ZNF385C: variants seen among roughly 807,000 people sequenced by gnomAD.
ZNF385C encodes CTD-2132N18.2.
In ZNF385C, 28 loss-of-function variants were observed where a neutral mutation model predicts 35.4. The ratio of observed to expected loss-of-function variants is 0.79; its 90% CI spans 0.59 to 1.08. The LOEUF (loss-of-function observed/expected upper bound fraction) is 1.08, where lower values mean the gene tolerates loss of function less well. Among genes scored for constraint, ZNF385C ranks in the 50% least tolerant of loss-of-function variants. The pLI, the probability that ZNF385C is intolerant of heterozygous loss-of-function variation, is 0.00. For synonymous variants in ZNF385C, 248 were observed against 248.2 expected, an observed-to-expected ratio of 1.00 and a Z score of 0.01; for missense variants, 605 against 595.6, an observed-to-expected ratio of 1.02 and a Z score of -0.16.
chr17:42,079,620 T>A (rs1462980097), intron 1 of ZNF385C, among the ~76,000 whole-genome samples: 1 of 150,480 alleles, frequency 6.6e-6, no homozygotes, highest in Admixed American at 6.6e-5. Flanking sequence ...GAGCTATTAT[T>A]GTGATACTGC....
intron 1 of ZNF385C, among the ~76,000 whole-genome samples, chr17:42,083,925 A>G (rs2053777644): frequency 6.6e-6 from 1 of 151,810 alleles, no homozygotes; most frequent in Admixed American, 6.6e-5. Context: ...TGCCATGTTG[A>G]CCAGGCTGTT....
intron 1 of ZNF385C, among the ~76,000 whole-genome samples, chr17:42,069,081 G>T (rs1224201281): frequency 2.0e-5 from 3 of 152,224 alleles, no homozygotes; most frequent in African/African-American, 7.2e-5. Flanking sequence ...ACAGGAAGCT[G>T]GTTAAATCTC....
intron 1 of ZNF385C, among the ~76,000 whole-genome samples, chr17:42,088,508 C>T (rs1018206357): frequency 2.0e-5 from 3 of 152,260 alleles, no homozygotes; most frequent in African/African-American, 4.8e-5. Context: ...GCCGCCTGGG[C>T]GGCTCCAGCC....
chr17:42,027,741 C>T lies in ZNF385C; in HGVS notation c.1165-13G>A. On this transcript the variant is annotated splice_polypyrimidine_tract_variant and intron_variant, in intron 7 of 8. Transcript: ENST00000692273. ...TGCTGCTCATGTGCTAATGGACAGA[C>T]AGACAGACTGGGAACAAGATGACAA... The T allele has an allele frequency of 6.2e-7, 1 of 1,609,088 alleles. No individual in the cohort carries two copies. The highest frequency in any genetic ancestry group is 8.5e-7 in the Non-Finnish European group (1 of 1,178,288).
chr17:42,092,399 G>A (rs1487799455), intron 1 of ZNF385C, among the ~76,000 whole-genome samples: 8 of 151,206 alleles, frequency 5.3e-5, no homozygotes, highest in Non-Finnish European at 1.2e-4. Flanking sequence ...AGCGAGATTC[G>A]TGTCAAAAAA....
At position 42,027,653 on chromosome 17, in the gene ZNF385C, G is replaced by A. The variant is rs1555654405; in HGVS notation, c.1240C>T (p.Gln414Ter). 1 of 1,605,598 alleles carries A rather than the reference G, an allele frequency of 6.2e-7. No individual in the cohort carries two copies. The highest frequency in any genetic ancestry group is 8.5e-7 in the Non-Finnish European group (1 of 1,177,262). ...CTCACAGCCAGCGCTGCGTGCTTCT[G>A]CAGCTTGCTGTGCTGGCTGGAGGGC... ...PKPSSQHSKL[Q>*]KHAALAVSIL... Residue 414 changes from glutamine (Q) to a stop codon, truncating the protein, a stop_gained, in exon 8 of 9, where the codon CAG becomes TAG. Transcript: ENST00000692273. LOFTEE classifies it high-confidence loss of function.
intron 1 of ZNF385C, among the ~76,000 whole-genome samples, chr17:42,083,024 C>G (rs1555659833): frequency 6.6e-6 from 1 of 151,634 alleles, no homozygotes; most frequent in Non-Finnish European, 1.5e-5. Flanking sequence ...TTGCAGTGAG[C>G]CAAGATTGCG....
intron 4 of ZNF385C, 89 bp downstream of exon 4, chr17:42,034,135 AT>A (rs1567984397): frequency 9.5e-7 from 1 of 1,054,332 alleles, no homozygotes; most frequent in African/African-American, 1.6e-5. Context: ...TGCCACTGAT[AT>A]TCCTCCCAGA....
chr17:42,059,665 AG>A (rs200276787), intron 2 of ZNF385C, among the ~76,000 whole-genome samples: 1,749 of 152,214 alleles, frequency 0.011, 34 homozygotes, highest in African/African-American at 0.04. Flanking sequence ...TCTGTCGCCC[AG>A]GCTGGAGTGC....
rs539229345 is a variant in ZNF385C, at chr17:42,072,011, C to T, written c.-2-8953G>A. Among the ~76,000 whole-genome samples, 4 of 152,310 alleles carry T rather than the reference C, an allele frequency of 2.6e-5. 1 individual carries two copies. The highest frequency in any genetic ancestry group is 9.6e-5 in the African/African-American group (4 of 41,570). On this transcript the variant is annotated intron_variant, in intron 1 of 8. Coordinates refer to ENST00000692273, the MANE Select transcript of ZNF385C (RefSeq NM_001392013.1). ...CCCTTGCTGAAGCTGAGACATTCTG[C>T]ACGTTGGGGGTAGGAAGGGGCGGGA...
intron 1 of ZNF385C, among the ~76,000 whole-genome samples, chr17:42,085,065 G>A (rs1378787996): frequency 1.3e-5 from 2 of 152,184 alleles, no homozygotes; most frequent in Admixed American, 6.5e-5. Flanking sequence ...AGGAAGCCAA[G>A]ACAGGCAGAT....
intron 1 of ZNF385C, among the ~76,000 whole-genome samples, chr17:42,079,144 G>A (rs1250157152): frequency 1.4e-5 from 2 of 146,558 alleles, no homozygotes; most frequent in Non-Finnish European, 3.0e-5. Context: ...TTGAGCCCAG[G>A]AGTTTGAGAC....
At chr17:42,088,328 A>AC (rs1447853806) in intron 1 of ZNF385C, among the ~76,000 whole-genome samples, 1 of 152,136 alleles carries the variant, frequency 6.6e-6, no homozygotes, top group African/African-American at 2.4e-5. Flanking sequence ...CTCTTCCAGC[A>AC]CCCCCAGGTC....
intron 1 of ZNF385C, among the ~76,000 whole-genome samples, chr17:42,078,880 C>T (rs1429266168): frequency 2.6e-5 from 4 of 152,126 alleles, no homozygotes; most frequent in African/African-American, 9.7e-5. Context: ...AACTTGAAGT[C>T]AGGCAAATGT....
At chr17:42,083,175 C>T (rs1451582932) in intron 1 of ZNF385C, among the ~76,000 whole-genome samples, 1 of 151,934 alleles carries the variant, frequency 6.6e-6, no homozygotes, top group Non-Finnish European at 1.5e-5. Context: ...CATAATTTCA[C>T]AAAGCTCCTG....
intron 2 of ZNF385C, 186 bp downstream of exon 2, chr17:42,062,620 GT>G (rs2053479272): frequency 2.5e-6 from 1 of 400,784 alleles, no homozygotes; most frequent in Non-Finnish European, 4.4e-6. Context: ...CTACAGAAGG[GT>G]TGTCCAGATG....
At position 42,028,103 on chromosome 17, in the gene ZNF385C, A is replaced by G; in HGVS notation, c.1111T>C (p.Phe371Leu). The change falls in exon 7 of 9, where the codon TTC (phenylalanine) becomes CTC (leucine). Residue 371 changes from phenylalanine (F) to leucine (L), a missense_variant. Transcript: ENST00000692273. Reference sequence around the variant, plus strand: ...TGGAGCTGACAGAGAGCACAGTGGAAGGCAGGGCTGGGCCCCTGCCGGCCG... The same window carrying G: ...TGGAGCTGACAGAGAGCACAGTGGAGGGCAGGGCTGGGCCCCTGCCGGCCG... ...RGGRQGPSPA[F>L]HCALCQLQVN... The G allele has an allele frequency of 6.2e-7, 1 of 1,613,706 alleles. No homozygotes were observed. The highest frequency in any genetic ancestry group is 8.5e-7 in the Non-Finnish European group (1 of 1,179,904).
At chr17:42,092,391 C>T (rs915959251) in intron 1 of ZNF385C, among the ~76,000 whole-genome samples, 40 of 150,904 alleles carry the variant, frequency 2.7e-4, no homozygotes, top group African/African-American at 9.3e-4. Flanking sequence ...ACAGAGCAAG[C>T]GAGATTCGTG....
At position 42,028,854 on chromosome 17, in the gene ZNF385C, T is replaced by C. The variant is rs1555654645; in HGVS notation, c.896A>G (p.Lys299Arg). Residue 299 changes from lysine (K) to arginine (R), a missense_variant, in exon 6 of 9, where the codon AAG becomes AGG. Physicochemically the swap from Lys to Arg is conservative, Grantham distance 26 (BLOSUM62 2). Coordinates refer to ENST00000692273, the MANE Select transcript of ZNF385C (RefSeq NM_001392013.1). The part of the protein sequence containing the change: ...SSMSGEGRSE[K>R]GHLYCPTCKV... ...ACACGTGGGGCAGTAGAGGTGCCCC[T>C]TCTCACTCCTGCCTTCCCCACTCAT... 6.4e-7 allele frequency: 1 copy of C among 1,550,610 alleles called. No homozygotes were observed. The highest frequency in any genetic ancestry group is 2.4e-5 in the East Asian group (1 of 40,928).
Sources: allele counts gnomAD v4.1 joint callset (sites outside exome capture counted in the v4.1 genomes callset), GRCh38; gene constraint gnomAD v4.1.1; transcripts MANE v1.5; gene names NCBI Gene and HGNC (gene_info 2026-07-23, HGNC 2026-07-21).